The following SEMA3D variants were observed in gnomAD, a reference collection of about 807,000 sequenced individuals.
SEMA3D encodes the protein semaphorin-3D.
Under a neutral mutation model 100.1 loss-of-function variants are expected in SEMA3D, and 84 were observed. The observed-to-expected ratio is 0.84, with a 90% CI of 0.70 to 1.01. The LOEUF is 1.01. Ranked by LOEUF, SEMA3D falls within the 50% of genes least tolerant of loss-of-function variation. The pLI is 0.00. For missense variants in SEMA3D, 875 were observed against 934.1 expected (o/e 0.94, Z 0.82); for synonymous variants, 312 against 320.7 (o/e 0.97, Z 0.29).
chr7:85,014,391 A>G (rs1790039677), intron 16 of SEMA3D, among the ~76,000 whole-genome samples: 1 of 151,864 alleles, frequency 6.6e-6, no homozygotes, highest in Admixed American at 6.6e-5. Flanking sequence ...TGCTATAAAA[A>G]TAATGCTGAA....
At position 85,006,991 on chromosome 7, in the gene SEMA3D, G is replaced by A. The variant is rs756370610; in HGVS notation, c.1769-50C>T. On this transcript the variant is annotated intron_variant, in intron 17 of 18. Transcript: ENST00000284136. Reference sequence around the variant, plus strand: ...GATTAACCTTGACCTGATTTTAAAAGCAATGGGAAAACAGACTGATTCAGA... The same window carrying A: ...GATTAACCTTGACCTGATTTTAAAAACAATGGGAAAACAGACTGATTCAGA... The A allele has an allele frequency of 2.7e-6, 4 of 1,502,316 alleles. No homozygotes were observed. The South Asian group carries it at 4.9e-5, about 18-fold the overall frequency. The allele number at this position is 1,502,316 out of a possible 1,614,324, so 93.1% of individuals were successfully genotyped here.
At chr7:85,235,743 G>A in the SEMA3D span, among the ~76,000 whole-genome samples, 4 of 152,282 alleles carry the variant, frequency 2.6e-5, no homozygotes, top group East Asian at 7.7e-4. Context: ...GTCAGAAGGT[G>A]AAAATGGTGA....
chr7:85,017,336 A>T (rs1474154807), intron 15 of SEMA3D, among the ~76,000 whole-genome samples: 4 of 151,602 alleles, frequency 2.6e-5, no homozygotes, highest in Non-Finnish European at 4.4e-5. Flanking sequence ...TTCCTTTGAC[A>T]CTCAGCTATA....
chr7:85,250,237 A>C, the SEMA3D span, among the ~76,000 whole-genome samples: 1 of 138,932 alleles, frequency 7.2e-6, no homozygotes, highest in East Asian at 2.3e-4. Context: ...AGTCTTGCTG[A>C]TTGCCAGCAC....
intron 5 of SEMA3D, among the ~76,000 whole-genome samples, chr7:85,075,914 T>C (rs182666975): frequency 6.6e-6 from 1 of 152,366 alleles, no homozygotes; most frequent in African/African-American, 2.4e-5. Context: ...AGAAATCCTA[T>C]GTTGTTTTAT....
intron 5 of SEMA3D, among the ~76,000 whole-genome samples, chr7:85,080,753 CA>C (rs1490855780): frequency 6.6e-6 from 1 of 152,110 alleles, no homozygotes; most frequent in Non-Finnish European, 1.5e-5. Flanking sequence ...CCATAGCCCT[CA>C]TTGCTGGAGA....
intron 2 of SEMA3D, among the ~76,000 whole-genome samples, chr7:85,150,064 G>C (rs1231267014): frequency 6.6e-6 from 1 of 151,972 alleles, no homozygotes; most frequent in East Asian, 1.9e-4. Context: ...TCCAAGGTTT[G>C]AGAAGTTGTA....
Position 85,136,273 on chromosome 7 carries a change from T to G in SEMA3D, c.-40-14342A>C, listed in dbSNP as rs998544196. ...AATAAATCAGTTTTTCAGACAATGC[T>G]TCAGCAAAATTCTTGTACTGCATTA... is the stretch of plus-strand genomic sequence containing the variant. On this transcript the variant is annotated intron_variant, in intron 2 of 18. Coordinates refer to ENST00000284136, the MANE Select transcript of SEMA3D (RefSeq NM_001384900.1). 3.3e-5 allele frequency among the ~76,000 whole-genome samples: 5 copies of G among 152,164 alleles called. No individual in the cohort carries two copies. In the East Asian group the frequency reaches 9.6e-4, roughly 29 times the overall value.
chr7:85,058,948 C>T (rs753427328), intron 8 of SEMA3D, among the ~76,000 whole-genome samples: 14 of 151,566 alleles, frequency 9.2e-5, no homozygotes, highest in Non-Finnish European at 1.8e-4. Context: ...CTATATCAAA[C>T]CAAGTATGAT....
intron 1 of SEMA3D, among the ~76,000 whole-genome samples, chr7:85,182,436 ACT>A (rs1791434250): frequency 6.6e-6 from 1 of 152,298 alleles, no homozygotes; most frequent in African/African-American, 2.4e-5. Context: ...ACTATTACCT[ACT>A]TAAACAATTG....
At chr7:85,215,117 C>CTTTTT in the SEMA3D span, among the ~76,000 whole-genome samples, 2 of 128,304 alleles carry the variant, frequency 1.6e-5, no homozygotes, top group African/African-American at 2.9e-5. Context: ...TTCTTTCTTT[C>CTTTTT]TTTTTTTTTT....
At chr7:85,086,951 T>A (rs1003881153) in intron 4 of SEMA3D, among the ~76,000 whole-genome samples, 2 of 152,144 alleles carry the variant, frequency 1.3e-5, no homozygotes, top group Admixed American at 6.6e-5. Flanking sequence ...CTATTAAAAG[T>A]CAGCCCTCAG....
At chr7:85,227,494 T>C in the SEMA3D span, among the ~76,000 whole-genome samples, 1 of 152,138 alleles carries the variant, frequency 6.6e-6, no homozygotes, top group Non-Finnish European at 1.5e-5. Context: ...TCACTAGATG[T>C]TGAATATGCC....
intron 16 of SEMA3D, among the ~76,000 whole-genome samples, chr7:85,014,224 C>A (rs1365729173): frequency 6.6e-6 from 1 of 151,458 alleles, no homozygotes; most frequent in Admixed American, 6.6e-5. Flanking sequence ...AAAAACAGAC[C>A]TAAAAATAAA....
At chr7:85,184,546 T>C (rs2116587378) in intron 1 of SEMA3D, among the ~76,000 whole-genome samples, 1 of 152,266 alleles carries the variant, frequency 6.6e-6, no homozygotes, top group East Asian at 1.9e-4. Flanking sequence ...ATGACACTTG[T>C]ATCATATTGT....
At chr7:85,155,701 T>C (rs538936640) in intron 1 of SEMA3D, among the ~76,000 whole-genome samples, 1 of 152,330 alleles carries the variant, frequency 6.6e-6, no homozygotes, top group East Asian at 1.9e-4. Flanking sequence ...ATTTTAGTTA[T>C]ATATTTATTT....
At chr7:85,097,727 A>G in intron 4 of SEMA3D, 78 bp downstream of exon 4, 1 of 944,684 alleles carries the variant, frequency 1.1e-6, no homozygotes, top group Non-Finnish European at 1.6e-6. Flanking sequence ...GTCCCTTAAA[A>G]CAAAGCAAAA....
intron 9 of SEMA3D, among the ~76,000 whole-genome samples, chr7:85,044,098 T>C (rs1415330311): frequency 6.6e-6 from 1 of 152,002 alleles, no homozygotes; most frequent in African/African-American, 2.4e-5. Flanking sequence ...CATTTATCCT[T>C]CAATCTATGT....
At chr7:85,043,498 C>A (rs190022142) in intron 9 of SEMA3D, among the ~76,000 whole-genome samples, 4 of 152,206 alleles carry the variant, frequency 2.6e-5, no homozygotes, top group Admixed American at 2.6e-4. Context: ...AAATCAATTA[C>A]ACGATAAACA....
Sources: gnomAD v4.1 joint callset for allele counts (sites outside exome capture counted in the v4.1 genomes callset) on GRCh38, gnomAD v4.1.1 for gene constraint, MANE v1.5 for transcripts, NCBI Gene and HGNC (gene_info 2026-07-23, HGNC 2026-07-21) for gene names.